Variants in TENM1 observed in about 807,000 individuals in gnomAD.
TENM1 encodes teneurin-1.
Under a neutral mutation model 174.8 loss-of-function variants are expected in TENM1, and 35 were observed. The observed-to-expected ratio is 0.20, with a 90% CI of 0.15 to 0.27. The LOEUF (loss-of-function observed/expected upper bound fraction) is 0.27, where lower values mean the gene tolerates loss of function less well. Ranked by LOEUF, TENM1 falls within the 10% of genes least tolerant of loss-of-function variation. TENM1 has a pLI of 1.00. For synonymous variants in TENM1, 781 were observed against 798.7 expected, an observed-to-expected ratio of 0.98 and a Z score of 0.37; for missense variants, 1,633 against 2,130.1, an observed-to-expected ratio of 0.77 and a Z score of 4.59.
At chrX:124,561,619 G>T (rs962765479) in intron 14 of TENM1, 52 bp downstream of exon 17, 4 of 1,193,402 alleles carry the variant, frequency 3.4e-6, no homozygotes, top group African/African-American at 1.8e-5. Context: ...TTACCACTGT[G>T]CTAGAGGCTG....
At chrX:124,885,267 G>A (rs1401083747) in intron 3 of TENM1, among the ~76,000 whole-genome samples, 6 of 109,769 alleles carry the variant, frequency 5.5e-5, no homozygotes, top group Admixed American at 9.8e-5. Flanking sequence ...TAATGGGGGA[G>A]TATGAATCTT....
At chrX:124,451,256 A>C (rs2061032644) in intron 23 of TENM1, among the ~76,000 whole-genome samples, 1 of 110,646 alleles carries the variant, frequency 9.0e-6, no homozygotes, top group Non-Finnish European at 1.9e-5. Context: ...AGCTACACTG[A>C]ATTTTCTTTT....
intron 14 of TENM1, among the ~76,000 whole-genome samples, chrX:124,557,509 T>C (rs1203582580): frequency 9.0e-6 from 1 of 110,826 alleles, no homozygotes. Flanking sequence ...ATTAATCCAG[T>C]TGAAGTGTTT....
intron 5 of TENM1, among the ~76,000 whole-genome samples, chrX:124,692,186 G>T (rs933322715): frequency 9.0e-6 from 1 of 111,240 alleles, no homozygotes; most frequent in Non-Finnish European, 1.9e-5. Flanking sequence ...CATAGCCATG[G>T]GATCTATCTT....
chrX:124,902,197 T>G (rs1051554532), intron 1 of TENM1, among the ~76,000 whole-genome samples: 1 of 112,220 alleles, frequency 8.9e-6, no homozygotes, highest in Non-Finnish European at 1.9e-5. Flanking sequence ...GGTCAATGTG[T>G]TCAAATGGGA....
chrX:124,757,904 A>T (rs1301205628), intron 3 of TENM1, among the ~76,000 whole-genome samples: 1 of 112,527 alleles, frequency 8.9e-6, no homozygotes, highest in East Asian at 2.8e-4. Flanking sequence ...AAGACAAACA[A>T]ACAAAAGCAT....
At chrX:125,128,909 A>G in the TENM1 span, among the ~76,000 whole-genome samples, 1 of 111,361 alleles carries the variant, frequency 9.0e-6, no homozygotes, top group South Asian at 3.8e-4. Flanking sequence ...CCCCAAATTC[A>G]TATGTTGAAG....
In TENM1 at chrX:124,558,461, C is replaced by T. The variant is rs141167583; in HGVS notation, c.2434+3210G>A. On this transcript the variant is annotated intron_variant, in intron 14 of 31. Coordinates refer to ENST00000422452, the Ensembl canonical transcript of TENM1. ...AAATTAGAACTACTTTTTCCCAAAA[C>T]GGTTCAATTGGTGCTTTCTAATGTA... 9.9e-5 allele frequency among the ~76,000 whole-genome samples: 11 copies of T among 111,213 alleles called. No homozygotes were observed. In the East Asian group the frequency reaches 1.1e-3, roughly 11 times the overall value.
chrX:124,460,918 G>GT (rs1261422653), intron 22 of TENM1, among the ~76,000 whole-genome samples: 1 of 111,578 alleles, frequency 9.0e-6, no homozygotes, highest in Non-Finnish European at 1.9e-5. Flanking sequence ...AAAATGTTTT[G>GT]TGTATGGGTA....
At chrX:124,962,689 G>A (rs754071070) in intron 1 of TENM1, among the ~76,000 whole-genome samples, 3 of 110,294 alleles carry the variant, frequency 2.7e-5, no homozygotes, top group Non-Finnish European at 5.7e-5. Context: ...GTGGTGAGGC[G>A]CACCTGTAAT....
chrX:124,733,887 G>T (rs990457447), intron 4 of TENM1, among the ~76,000 whole-genome samples: 1 of 111,269 alleles, frequency 9.0e-6, no homozygotes, highest in Non-Finnish European at 1.9e-5. Flanking sequence ...CTCTCCATTT[G>T]CCTGAACCCA....
At chrX:124,904,550 GCTGT>G (rs1362167433) in intron 1 of TENM1, among the ~76,000 whole-genome samples, 7 of 112,387 alleles carry the variant, frequency 6.2e-5, no homozygotes, top group Non-Finnish European at 1.1e-4. Flanking sequence ...TGGTAAATTA[GCTGT>G]CTGTTTCAAA....
chrX:125,006,678 A>G, the TENM1 span, among the ~76,000 whole-genome samples: 1 of 111,701 alleles, frequency 9.0e-6, no homozygotes, highest in East Asian at 2.8e-4. Context: ...AGAGCAGACC[A>G]CAATCTTTGC....
At chrX:124,408,058 C>T (rs1372581023) in intron 25 of TENM1, among the ~76,000 whole-genome samples, 2 of 111,789 alleles carry the variant, frequency 1.8e-5, no homozygotes, top group African/African-American at 6.5e-5. Context: ...CATAGGAAGG[C>T]TCGAATACCC....
At position 124,439,201 on chromosome X, in the gene TENM1, T is replaced by C. The variant is rs1018555861; in HGVS notation, c.4104+14136A>G. On this transcript the variant is annotated intron_variant, in intron 23 of 31. Transcript: ENST00000422452. ...TGTCTTGGGAAAGTCATATTCTTCA[T>C]AGTGACCTAGATAAACTCTGTCTTC... is the stretch of plus-strand genomic sequence containing the variant. 5.4e-5 allele frequency among the ~76,000 whole-genome samples: 6 copies of C among 112,081 alleles called. No individual in the cohort carries two copies. The East Asian group carries it at 1.4e-3, about 26-fold the overall frequency.
chrX:124,796,008 TA>T (rs1380542080), intron 3 of TENM1, among the ~76,000 whole-genome samples: 1 of 111,443 alleles, frequency 9.0e-6, no homozygotes, highest in African/African-American at 3.3e-5. Flanking sequence ...TGATGTCAAT[TA>T]AAAATCACTC....
chrX:124,430,624 T>C (rs1239897500), intron 23 of TENM1, among the ~76,000 whole-genome samples: 1 of 112,121 alleles, frequency 8.9e-6, no homozygotes, highest in East Asian at 2.8e-4. Context: ...CCCTGTCTAT[T>C]GTTCTGTTCC....
At chrX:124,772,735 G>A (rs753004270) in intron 3 of TENM1, among the ~76,000 whole-genome samples, 36 of 110,740 alleles carry the variant, frequency 3.3e-4, no homozygotes, top group African/African-American at 1.1e-3. Context: ...ATGTTGAAAG[G>A]GCTGATATGT....
the TENM1 span, among the ~76,000 whole-genome samples, chrX:125,045,731 A>T: frequency 8.9e-6 from 1 of 112,042 alleles, no homozygotes; most frequent in East Asian, 2.8e-4. Context: ...ATCTATTTCC[A>T]ACAATTAAGA....
Sources: allele counts gnomAD v4.1 joint callset (sites outside exome capture counted in the v4.1 genomes callset), GRCh38; gene constraint gnomAD v4.1.1; transcripts MANE v1.5; gene names NCBI Gene and HGNC (gene_info 2026-07-23, HGNC 2026-07-21).